The following SLC9C1 variants were observed in gnomAD, a reference collection of about 807,000 sequenced individuals.
SLC9C1 encodes the protein sodium/hydrogen exchanger 10.
A neutral mutation model predicts 140.9 loss-of-function variants in SLC9C1; 97 were observed. The observed-to-expected ratio is 0.69, with a 90% CI of 0.58 to 0.82. The LOEUF is 0.82. Among genes scored for constraint, SLC9C1 ranks in the 40% least tolerant of loss-of-function variants. The pLI, the probability that SLC9C1 is intolerant of heterozygous loss-of-function variation, is 0.00. For missense variants in SLC9C1, 1,340 were observed against 1,389.3 expected, an observed-to-expected ratio of 0.96 and a Z score of 0.56; for synonymous variants, 440 against 442.6, an observed-to-expected ratio of 0.99 and a Z score of 0.07.
intron 16 of SLC9C1, among the ~76,000 whole-genome samples, chr3:112,207,542 C>T (rs2078088159): frequency 6.6e-6 from 1 of 152,162 alleles, no homozygotes; most frequent in African/African-American, 2.4e-5. Flanking sequence ...ACATATTTAA[C>T]ATCTCTCCAA....
chr3:112,142,620 T>G (rs1185672187), intron 28 of SLC9C1, among the ~76,000 whole-genome samples: 1 of 152,168 alleles, frequency 6.6e-6, no homozygotes, highest in Admixed American at 6.6e-5. Context: ...AAGAGATCAA[T>G]GCATTAAACA....
chr3:112,280,163 C>T (rs1385416324), intron 3 of SLC9C1, among the ~76,000 whole-genome samples: 3 of 152,236 alleles, frequency 2.0e-5, no homozygotes, highest in Non-Finnish European at 2.9e-5. Flanking sequence ...CAGACAAGTT[C>T]TCCCATCCAT....
At chr3:112,239,653 C>T (rs1390184699) in intron 12 of SLC9C1, among the ~76,000 whole-genome samples, 187 bp downstream of exon 12, 2 of 152,176 alleles carry the variant, frequency 1.3e-5, no homozygotes, top group Non-Finnish European at 2.9e-5. Context: ...ATGACTTCTA[C>T]TTTGCCCCAC....
At chr3:112,262,497 A>G (rs1408602488) in intron 10 of SLC9C1, among the ~76,000 whole-genome samples, 1 of 151,816 alleles carries the variant, frequency 6.6e-6, no homozygotes, top group Non-Finnish European at 1.5e-5. Flanking sequence ...TATGCCCTGT[A>G]TTTTCTGCTA....
intron 12 of SLC9C1, among the ~76,000 whole-genome samples, chr3:112,234,060 T>C (rs780173969): frequency 6.6e-6 from 1 of 152,206 alleles, no homozygotes; most frequent in Admixed American, 6.5e-5. Flanking sequence ...TGCCGCACTG[T>C]CTTCCACAAT....
chr3:112,280,447 G>T (rs1411386129), intron 3 of SLC9C1, among the ~76,000 whole-genome samples: 1 of 151,826 alleles, frequency 6.6e-6, no homozygotes, highest in African/African-American at 2.4e-5. Context: ...GTACTCAGTA[G>T]CTGTATGTAC....
intron 16 of SLC9C1, among the ~76,000 whole-genome samples, chr3:112,205,172 T>C (rs2078012459): frequency 6.6e-6 from 1 of 151,860 alleles, no homozygotes; most frequent in Non-Finnish European, 1.5e-5. Context: ...CAGCCCAAAA[T>C]CTCCTTAAGC....
At chr3:112,170,627 A>G (rs550585794) in intron 23 of SLC9C1, among the ~76,000 whole-genome samples, 10 of 152,360 alleles carry the variant, frequency 6.6e-5, no homozygotes, top group Admixed American at 2.6e-4. Context: ...ATATGCATCT[A>G]TAAATATGTT....
chr3:112,261,233 TC>T (rs1451938336), intron 10 of SLC9C1, among the ~76,000 whole-genome samples: 1 of 152,186 alleles, frequency 6.6e-6, no homozygotes, highest in African/African-American at 2.4e-5. Flanking sequence ...CCACTATTCA[TC>T]ATAGTAAAGA....
chr3:112,264,299 G>C lies in SLC9C1; in HGVS notation c.923C>G (p.Thr308Ser). 1 of 1,485,730 alleles carries C rather than the reference G, an allele frequency of 6.7e-7. No individual in the cohort carries two copies. Among genetic ancestry groups the C allele is most frequent in the Non-Finnish European group, 8.9e-7 (1 of 1,118,020 alleles). The allele number at this position is 1,485,730 out of a possible 1,614,324, so 92.0% of individuals were successfully genotyped here. A position where few individuals can be genotyped will look rare whatever the true frequency, so the allele number is the denominator to read the frequency against. Reference protein sequence around the residue: ...LSRIAFLMVFTFFGLLIPAHT... With the variant: ...LSRIAFLMVFSFFGLLIPAHT... ...TGCAGGAATTAGAAGTCCAAAGAAA[G>C]TAAACACCATGAGAAAAGCAATACG... The change falls in exon 9 of 29, where the codon ACT becomes AGT. Residue 308 changes from threonine (T) to serine (S), a missense_variant. Physicochemically the swap from Thr to Ser is moderately conservative, Grantham distance 58 (BLOSUM62 1). Transcript: ENST00000305815.
chr3:112,201,706 T>G (rs62277480), intron 18 of SLC9C1, among the ~76,000 whole-genome samples: 30,448 of 151,946 alleles, frequency 0.2, 3,404 homozygotes, highest in Middle Eastern at 0.26. Context: ...TAACCTCTCT[T>G]GGCCTCCTTT....
chr3:112,216,445 G>T (rs1218809618), intron 15 of SLC9C1, among the ~76,000 whole-genome samples: 2 of 151,918 alleles, frequency 1.3e-5, no homozygotes, highest in South Asian at 2.1e-4. Context: ...GAAAATTTTT[G>T]CAATATACCC....
At chr3:112,269,785 A>T (rs1429146009) in intron 7 of SLC9C1, 131 bp downstream of exon 7, 2 of 657,936 alleles carry the variant, frequency 3.0e-6, no homozygotes, top group African/African-American at 3.8e-5. Flanking sequence ...TTGATAGATT[A>T]TTTTAATAAA....
At position 112,208,803 on chromosome 3, in the gene SLC9C1, C is replaced by T. The variant is rs568206733; in HGVS notation, c.1791-430G>A. 2.0e-5 allele frequency among the ~76,000 whole-genome samples: 3 copies of T among 152,108 alleles called. No homozygotes were observed. In the South Asian group the frequency reaches 6.2e-4, roughly 32 times the overall value. ...TGTTTATAAAATGATTATCCATAAACATAAAAGAAGTTATATGACACATTT... is the reference window on the plus strand; with the variant it reads ...TGTTTATAAAATGATTATCCATAAATATAAAAGAAGTTATATGACACATTT... On this transcript the variant is annotated intron_variant, in intron 15 of 28. Transcript: ENST00000305815.
chr3:112,200,944 A>G (rs984799532), intron 18 of SLC9C1, among the ~76,000 whole-genome samples, 182 bp from the exon 19 acceptor site: 1 of 152,068 alleles, frequency 6.6e-6, no homozygotes, highest in Non-Finnish European at 1.5e-5. Flanking sequence ...CTAAAGTAAT[A>G]GAGAAGATAA....
At chr3:112,270,990 CA>C (rs894383877) in intron 6 of SLC9C1, among the ~76,000 whole-genome samples, 1 of 151,844 alleles carries the variant, frequency 6.6e-6, no homozygotes, top group African/African-American at 2.4e-5. Flanking sequence ...TATTTGTCCT[CA>C]AAAAAGAAGG....
chr3:112,234,761 C>T (rs967723006), intron 12 of SLC9C1, among the ~76,000 whole-genome samples: 1 of 152,070 alleles, frequency 6.6e-6, no homozygotes, highest in Non-Finnish European at 1.5e-5. Flanking sequence ...TTGTTTTTGT[C>T]AAGTTTGTCA....
intron 10 of SLC9C1, among the ~76,000 whole-genome samples, chr3:112,246,604 C>T (rs965872570): frequency 6.6e-6 from 1 of 151,868 alleles, no homozygotes; most frequent in African/African-American, 2.4e-5. Flanking sequence ...TTTAAGCTTC[C>T]AAGTGTATAT....
chr3:112,266,009 G>C (rs2079908202), intron 8 of SLC9C1, among the ~76,000 whole-genome samples: 1 of 152,102 alleles, frequency 6.6e-6, no homozygotes, highest in East Asian at 1.9e-4. Flanking sequence ...TGAGGAATGA[G>C]TGGGGAAAGA....
Sources: allele counts gnomAD v4.1 joint callset (sites outside exome capture counted in the v4.1 genomes callset), GRCh38; gene constraint gnomAD v4.1.1; transcripts MANE v1.5; gene names NCBI Gene and HGNC (gene_info 2026-07-23, HGNC 2026-07-21).